LRRC4C: variants seen among roughly 807,000 people sequenced by gnomAD.
LRRC4C encodes leucine rich repeat containing 4C.
Under a neutral mutation model 33.6 loss-of-function variants are expected in LRRC4C, and 5 were observed. The ratio of observed to expected loss-of-function variants is 0.15; its 90% CI spans 0.08 to 0.31. The LOEUF is 0.31. Among genes scored for constraint, LRRC4C ranks in the 10% least tolerant of loss-of-function variants. The pLI is 1.00. For synonymous variants in LRRC4C, 329 were observed against 302.0 expected, an observed-to-expected ratio of 1.09 and a Z score of -0.93; for missense variants, 560 against 796.7, an observed-to-expected ratio of 0.70 and a Z score of 3.58.
At chr11:40,147,326 C>T (rs936059102) in intron 5 of LRRC4C, among the ~76,000 whole-genome samples, 1 of 152,118 alleles carries the variant, frequency 6.6e-6, no homozygotes, top group Admixed American at 6.5e-5. Flanking sequence ...CAAGACCACA[C>T]CTCCATATTT....
At chr11:40,313,296 G>A (rs1945405309) in intron 4 of LRRC4C, among the ~76,000 whole-genome samples, 1 of 152,018 alleles carries the variant, frequency 6.6e-6, no homozygotes, top group Non-Finnish European at 1.5e-5. Context: ...TATAGATTAA[G>A]GCAGAGGAGT....
chr11:40,939,962 G>C (rs1958070998), intron 1 of LRRC4C, among the ~76,000 whole-genome samples: 1 of 152,128 alleles, frequency 6.6e-6, no homozygotes, highest in South Asian at 2.1e-4. Context: ...TCCAATCAGA[G>C]TTCAGTTCAC....
intron 4 of LRRC4C, among the ~76,000 whole-genome samples, chr11:40,316,914 T>G (rs188798410): frequency 3.3e-5 from 4 of 120,672 alleles, no homozygotes; most frequent in Non-Finnish European, 6.9e-5. Context: ...CCAGGTTTTT[T>G]AAAAAAATTT....
intron 4 of LRRC4C, among the ~76,000 whole-genome samples, chr11:40,266,820 A>G (rs914226584): frequency 3.3e-5 from 5 of 152,308 alleles, no homozygotes; most frequent in African/African-American, 1.2e-4. Context: ...GACAGTACTC[A>G]GACTGATATT....
intron 2 of LRRC4C, among the ~76,000 whole-genome samples, chr11:40,839,006 T>C (rs1952800998): frequency 6.6e-6 from 1 of 152,158 alleles, no homozygotes; most frequent in African/African-American, 2.4e-5. Flanking sequence ...CCTAAAATAA[T>C]ATTTCCTGAA....
intron 2 of LRRC4C, among the ~76,000 whole-genome samples, chr11:40,734,720 AT>A (rs779861195): frequency 3.3e-5 from 5 of 152,182 alleles, no homozygotes; most frequent in African/African-American, 7.2e-5. Flanking sequence ...TAAAAAAAAA[AT>A]CTCAAAGCCA....
At chr11:40,524,243 A>C (rs1396940965) in intron 3 of LRRC4C, among the ~76,000 whole-genome samples, 2 of 152,202 alleles carry the variant, frequency 1.3e-5, no homozygotes, top group African/African-American at 4.8e-5. Context: ...GGATTAAGCA[A>C]ATCATTTCTG....
chr11:41,282,659 G>A (rs1345604288), intron 1 of LRRC4C, among the ~76,000 whole-genome samples: 1 of 152,144 alleles, frequency 6.6e-6, no homozygotes, highest in Non-Finnish European at 1.5e-5. Context: ...CTTGATTGCT[G>A]GTTTCTGCTT....
intron 3 of LRRC4C, among the ~76,000 whole-genome samples, chr11:40,546,510 A>G (rs1399064187): frequency 6.6e-6 from 1 of 152,018 alleles, no homozygotes; most frequent in Admixed American, 6.6e-5. Flanking sequence ...GATGCACCCT[A>G]TGGATGTTGG....
intron 3 of LRRC4C, among the ~76,000 whole-genome samples, chr11:40,513,595 T>G (rs1955433590): frequency 6.6e-6 from 1 of 152,100 alleles, no homozygotes; most frequent in African/African-American, 2.4e-5. Flanking sequence ...CTTTCAAAAT[T>G]AAGGGCCAGG....
intron 1 of LRRC4C, among the ~76,000 whole-genome samples, chr11:41,218,498 C>T (rs1032996297): frequency 6.6e-6 from 1 of 152,174 alleles, no homozygotes; most frequent in Non-Finnish European, 1.5e-5. Context: ...ACCGCCTGAG[C>T]TAAGGCAGGG....
intron 1 of LRRC4C, among the ~76,000 whole-genome samples, chr11:41,007,223 A>G (rs1854820668): frequency 1.3e-5 from 2 of 151,926 alleles, no homozygotes; most frequent in African/African-American, 2.4e-5. Flanking sequence ...CTAGAAAAAA[A>G]CAATAGCTCA....
At chr11:41,203,440 G>A (rs1946478653) in intron 1 of LRRC4C, among the ~76,000 whole-genome samples, 10 of 152,140 alleles carry the variant, frequency 6.6e-5, no homozygotes, top group Admixed American at 6.5e-4. Context: ...GAAGTTAAGA[G>A]GAAGCAATTT....
At chr11:40,508,591 G>A (rs746985248) in intron 3 of LRRC4C, among the ~76,000 whole-genome samples, 2 of 152,102 alleles carry the variant, frequency 1.3e-5, no homozygotes, top group Non-Finnish European at 2.9e-5. Flanking sequence ...TAGTCCTAGG[G>A]AAGAAAATTC....
intron 1 of LRRC4C, among the ~76,000 whole-genome samples, chr11:41,321,826 C>T (rs1364162974): frequency 1.3e-5 from 2 of 152,054 alleles, no homozygotes; most frequent in African/African-American, 2.4e-5. Flanking sequence ...AGCCTGTGTG[C>T]ATTCCCAAGC....
chr11:41,172,262 G>T (rs957733737), intron 1 of LRRC4C, among the ~76,000 whole-genome samples: 2 of 152,068 alleles, frequency 1.3e-5, no homozygotes, highest in Admixed American at 6.6e-5. Context: ...CAATATTCAT[G>T]ACAGGAAATA....
chr11:41,393,005 CTTTCCT>C (rs1953665430), intron 1 of LRRC4C, among the ~76,000 whole-genome samples: 1 of 151,798 alleles, frequency 6.6e-6, no homozygotes, highest in Non-Finnish European at 1.5e-5. Flanking sequence ...TATTGTTATG[CTTTCCT>C]AATTGCTCCC....
At chr11:40,379,215 G>A (rs1948770369) in intron 3 of LRRC4C, among the ~76,000 whole-genome samples, 1 of 151,960 alleles carries the variant, frequency 6.6e-6, no homozygotes, top group Non-Finnish European at 1.5e-5. Flanking sequence ...ATCTTACTGG[G>A]TCTAAGCAGT....
intron 1 of LRRC4C, among the ~76,000 whole-genome samples, chr11:41,395,077 AG>A (rs1193981733): frequency 6.6e-6 from 1 of 151,950 alleles, no homozygotes; most frequent in African/African-American, 2.4e-5. Context: ...CCCATTAACC[AG>A]GAGACACAAT....
Sources: gnomAD v4.1 joint callset for allele counts (sites outside exome capture counted in the v4.1 genomes callset) on GRCh38, gnomAD v4.1.1 for gene constraint, MANE v1.5 for transcripts, NCBI Gene and HGNC (gene_info 2026-07-23, HGNC 2026-07-21) for gene names.